The following NMBR variants were observed in gnomAD, a reference collection of about 807,000 sequenced individuals.
The protein encoded by NMBR is neuromedin-B receptor.
In NMBR, 16 loss-of-function variants were observed where a neutral mutation model predicts 20.5. The ratio of observed to expected loss-of-function variants is 0.78; its 90% CI spans 0.53 to 1.19. The LOEUF is 1.19. Among genes scored for constraint, NMBR ranks in the 50% most tolerant of loss-of-function variants. The pLI, the probability that NMBR is intolerant of heterozygous loss-of-function variation, is 0.00. For synonymous variants in NMBR, 212 were observed against 196.6 expected (o/e 1.08, Z -0.65); for missense variants, 582 against 499.1 (o/e 1.17, Z -1.58).
chr6:142,114,288 T>C (rs574326088), intron 1 of NMBR, among the ~76,000 whole-genome samples: 1 of 152,266 alleles, frequency 6.6e-6, no homozygotes, highest in East Asian at 1.9e-4. Context: ...GAGATAATCA[T>C]CTCTATCACC....
chr6:142,121,779 C>T (rs1182848850), intron 1 of NMBR, among the ~76,000 whole-genome samples: 1 of 151,830 alleles, frequency 6.6e-6, no homozygotes, highest in Non-Finnish European at 1.5e-5. Flanking sequence ...ACACCATGCA[C>T]ATTTACCTAA....
intron 1 of NMBR, among the ~76,000 whole-genome samples, chr6:142,115,038 G>A (rs1478368463): frequency 6.6e-6 from 1 of 152,144 alleles, no homozygotes; most frequent in Non-Finnish European, 1.5e-5. Context: ...GATTGAGAGA[G>A]ACTTTTTTCT....
Position 142,137,836 on chromosome 6 carries a change from G to T in NMBR, c.-664+9208C>A, listed in dbSNP as rs560719655. On this transcript the variant is annotated intron_variant, in intron 1 of 3. Coordinates refer to ENST00000258042, the MANE Select transcript of NMBR (RefSeq NM_002511.4). ...ATATTGAACCAGCCTTGCATCCCAGGGATGAAGCCCACTTGATCATGGTGG... is the reference window on the plus strand; with the variant it reads ...ATATTGAACCAGCCTTGCATCCCAGTGATGAAGCCCACTTGATCATGGTGG... 4.6e-5 allele frequency among the ~76,000 whole-genome samples: 7 copies of T among 152,128 alleles called. No individual in the cohort carries two copies. The South Asian group carries it at 1.5e-3, about 32-fold the overall frequency.
intron 1 of NMBR, among the ~76,000 whole-genome samples, chr6:142,097,774 A>G (rs1458014028): frequency 6.6e-6 from 1 of 152,178 alleles, no homozygotes. Flanking sequence ...TGATAGATGT[A>G]TAAAAGAACA....
At chr6:142,102,802 G>C (rs999123317) in intron 1 of NMBR, among the ~76,000 whole-genome samples, 1 of 152,152 alleles carries the variant, frequency 6.6e-6, no homozygotes, top group Admixed American at 6.5e-5. Flanking sequence ...CCGTGTATAA[G>C]GCTGGCTGCA....
In NMBR at chr6:142,078,581, C is replaced by T; in HGVS notation, c.745G>A (p.Glu249Lys). The change falls in exon 3 of 4, where the codon GAA becomes AAA. Residue 249 changes from glutamate to lysine, a missense_variant. Transcript: ENST00000258042. ...LIKSAHNLPG[E>K]YNEHTKKQME... ...TGTTTTTTGGTATGTTCATTGTATTCTCCAGGAAGATTGTGTGCGCTTTTA... is the reference window on the plus strand; with the variant it reads ...TGTTTTTTGGTATGTTCATTGTATTTTCCAGGAAGATTGTGTGCGCTTTTA... The T allele has an allele frequency of 6.2e-7, 1 of 1,603,470 alleles. No individual in the cohort carries two copies. Among genetic ancestry groups the T allele is most frequent in the Non-Finnish European group, 8.5e-7 (1 of 1,174,880 alleles).
At chr6:142,131,481 T>G (rs1778141517) in intron 1 of NMBR, among the ~76,000 whole-genome samples, 1 of 152,158 alleles carries the variant, frequency 6.6e-6, no homozygotes, top group East Asian at 1.9e-4. Context: ...TCGCCCTTTT[T>G]CTGCTTTTGG....
At chr6:142,108,217 T>C (rs1010381864) in intron 1 of NMBR, among the ~76,000 whole-genome samples, 1 of 152,116 alleles carries the variant, frequency 6.6e-6, no homozygotes, top group Admixed American at 6.6e-5. Flanking sequence ...AAACCATCTA[T>C]ACATCAAAGA....
chr6:142,131,769 C>T (rs566119016), intron 1 of NMBR, among the ~76,000 whole-genome samples: 2 of 152,010 alleles, frequency 1.3e-5, no homozygotes, highest in African/African-American at 2.4e-5. Flanking sequence ...GCACTCCCTT[C>T]TTCTACACAT....
At chr6:142,133,922 G>A (rs1425337322) in intron 1 of NMBR, 2 of 702,448 alleles carry the variant, frequency 2.8e-6, no homozygotes, top group South Asian at 1.5e-5. Context: ...CTTCCTCGGG[G>A]TGCTAGGCTT....
At chr6:142,092,616 C>A (rs541331529) in intron 1 of NMBR, among the ~76,000 whole-genome samples, 1 of 152,204 alleles carries the variant, frequency 6.6e-6, no homozygotes, top group East Asian at 1.9e-4. Context: ...AGAGGCAGCA[C>A]AAAACAGTGA....
intron 1 of NMBR, among the ~76,000 whole-genome samples, chr6:142,101,899 G>T (rs1022021685): frequency 6.6e-6 from 1 of 152,038 alleles, no homozygotes; most frequent in African/African-American, 2.4e-5. Flanking sequence ...TGTCAATCCA[G>T]TTGAAGACAG....
At chr6:142,085,514 A>T (rs1047784881) in intron 2 of NMBR, among the ~76,000 whole-genome samples, 2 of 152,022 alleles carry the variant, frequency 1.3e-5, no homozygotes, top group Admixed American at 1.3e-4. Flanking sequence ...ACAGAGCAAG[A>T]TTCTGTCTCA....
At chr6:142,126,897 G>A (rs1297009625) in intron 1 of NMBR, among the ~76,000 whole-genome samples, 1 of 150,920 alleles carries the variant, frequency 6.6e-6, no homozygotes, top group Non-Finnish European at 1.5e-5. Flanking sequence ...TGGGTTTTGG[G>A]GGGGTTTATT....
intron 1 of NMBR, among the ~76,000 whole-genome samples, chr6:142,095,943 G>A (rs1777441105): frequency 6.6e-6 from 1 of 152,258 alleles, no homozygotes; most frequent in East Asian, 1.9e-4. Context: ...TTTGCATAGA[G>A]GTGTTTACAG....
intron 1 of NMBR, among the ~76,000 whole-genome samples, chr6:142,113,442 A>T (rs1777805058): frequency 6.6e-6 from 1 of 152,150 alleles, no homozygotes; most frequent in Non-Finnish European, 1.5e-5. Context: ...GTTTATTGAC[A>T]TTCAACTGTT....
At chr6:142,087,281 C>A (rs1050158314) in intron 2 of NMBR, among the ~76,000 whole-genome samples, 1 of 152,178 alleles carries the variant, frequency 6.6e-6, no homozygotes, top group African/African-American at 2.4e-5. Context: ...AGAGGGCATA[C>A]CACCTTAATT....
intron 1 of NMBR, among the ~76,000 whole-genome samples, chr6:142,097,159 T>G (rs2114576792): frequency 6.6e-6 from 1 of 152,238 alleles, no homozygotes; most frequent in East Asian, 1.9e-4. Flanking sequence ...ATTGGAGCAT[T>G]TAGCCCATTT....
intron 1 of NMBR, among the ~76,000 whole-genome samples, chr6:142,126,889 G>C (rs964349521): frequency 2.0e-5 from 3 of 150,272 alleles, no homozygotes; most frequent in Non-Finnish European, 3.0e-5. Flanking sequence ...TTCAATGTTG[G>C]GTTTTGGGGG....
Sources: allele counts gnomAD v4.1 joint callset (sites outside exome capture counted in the v4.1 genomes callset), GRCh38; gene constraint gnomAD v4.1.1; transcripts MANE v1.5; gene names NCBI Gene and HGNC (gene_info 2026-07-23, HGNC 2026-07-21).